Variants in DMD observed in about 807,000 individuals in gnomAD.
The protein encoded by DMD is dystrophin.
Under a neutral mutation model 330.1 loss-of-function variants are expected in DMD, and 63 were observed. That is an observed-to-expected ratio of 0.19 (90% CI 0.16 to 0.24). The LOEUF (loss-of-function observed/expected upper bound fraction) is 0.24. Among genes scored for constraint, DMD ranks in the 10% least tolerant of loss-of-function variants. The probability of loss-of-function intolerance (pLI) is 1.00; values close to 1 mark genes in which losing one functional copy is unlikely to be tolerated. For missense variants in DMD, 3,344 were observed against 2,684.1 expected, an observed-to-expected ratio of 1.25 and a Z score of -5.43; for synonymous variants, 1,223 against 959.8, an observed-to-expected ratio of 1.27 and a Z score of -5.07.
intron 11 of DMD, among the ~76,000 whole-genome samples, chrX:32,619,270 G>A (rs746528153): frequency 9.0e-6 from 1 of 111,538 alleles, no homozygotes; most frequent in East Asian, 2.8e-4. Context: ...TGATCCCACA[G>A]AAGTAGGGAA....
chrX:32,478,526 A>G lies in DMD; in HGVS notation c.2804-6217T>C, dbSNP rs1326426765. Among the ~76,000 whole-genome samples the G allele has an allele frequency of 3.6e-5, 4 of 111,910 alleles. No homozygotes were observed. The Admixed American group carries it at 3.8e-4, about 11-fold the overall frequency. ...ATACAACAGGACCCATGCATGATATATGATGATTAACATACTAGGAATGGT... is the reference window on the plus strand; with the variant it reads ...ATACAACAGGACCCATGCATGATATGTGATGATTAACATACTAGGAATGGT... On this transcript the variant is annotated intron_variant, in intron 21 of 78. Transcript: ENST00000357033.
chrX:31,341,891 G>GCGCGCGCGCGCACGCACACACACACACA (rs374298104), intron 61 of DMD, among the ~76,000 whole-genome samples: 1 of 98,876 alleles, frequency 1.0e-5, no homozygotes, highest in Non-Finnish European at 2.0e-5. Flanking sequence ...GTGCGCGCGC[G>GCGCGCGCGCGCACGCACACACACACACA]CACACACACA....
intron 74 of DMD, among the ~76,000 whole-genome samples, chrX:31,168,963 T>C (rs1202449495): frequency 9.0e-6 from 1 of 111,713 alleles, no homozygotes; most frequent in Non-Finnish European, 1.9e-5. Flanking sequence ...CCTGCTATGA[T>C]GGTGAGCATA....
intron 44 of DMD, among the ~76,000 whole-genome samples, chrX:32,150,125 G>C (rs2096797058): frequency 8.9e-6 from 1 of 112,354 alleles, no homozygotes; most frequent in South Asian, 3.7e-4. Context: ...GGGAGTAAAA[G>C]CACAGCAGGG....
intron 34 of DMD, among the ~76,000 whole-genome samples, chrX:32,366,493 G>A (rs966893506): frequency 2.0e-4 from 22 of 112,309 alleles, no homozygotes; most frequent in African/African-American, 6.8e-4. Flanking sequence ...AGCAATAACA[G>A]GAAAGTGGAG....
At chrX:32,106,151 G>T (rs1217260984) in intron 44 of DMD, among the ~76,000 whole-genome samples, 1 of 111,499 alleles carries the variant, frequency 9.0e-6, no homozygotes, top group Non-Finnish European at 1.9e-5. Context: ...GGTCTACCTG[G>T]AAAATAATAA....
At chrX:32,131,380 C>A in intron 44 of DMD, among the ~76,000 whole-genome samples, 1 of 111,428 alleles carries the variant, frequency 9.0e-6, no homozygotes, top group African/African-American at 3.3e-5. Context: ...GAAACAGGTA[C>A]GAGTTTTCTT....
At chrX:32,809,830 T>C (rs1420986635) in intron 6 of DMD, among the ~76,000 whole-genome samples, 2 of 99,360 alleles carry the variant, frequency 2.0e-5, no homozygotes, top group African/African-American at 7.6e-5. Flanking sequence ...GCCTGTAATC[T>C]CAACAATTTG....
intron 11 of DMD, among the ~76,000 whole-genome samples, chrX:32,632,351 G>A (rs1181923033): frequency 1.8e-5 from 2 of 111,773 alleles, no homozygotes; most frequent in Admixed American, 9.4e-5. Flanking sequence ...TGCTGAGTGT[G>A]TGTTTCATTT....
At chrX:32,272,060 G>T (rs1348871648) in intron 43 of DMD, among the ~76,000 whole-genome samples, 4 of 111,662 alleles carry the variant, frequency 3.6e-5, no homozygotes, top group Non-Finnish European at 5.7e-5. Flanking sequence ...CCACTTAGGG[G>T]TGACAAAAGG....
chrX:33,273,930 T>C (rs186884770), intron 1 of DMD, among the ~76,000 whole-genome samples: 1 of 112,211 alleles, frequency 8.9e-6, no homozygotes, highest in Admixed American at 9.5e-5. Context: ...TGTCCATCAA[T>C]AGCAAAAATT....
chrX:33,148,938 G>T (rs183191541), intron 1 of DMD, among the ~76,000 whole-genome samples: 1 of 110,530 alleles, frequency 9.0e-6, no homozygotes, highest in East Asian at 2.9e-4. Context: ...ATTTGGGTGG[G>T]TTCTGTGGCT....
At chrX:32,484,507 A>C (rs755639427) in intron 21 of DMD, among the ~76,000 whole-genome samples, 8 of 112,332 alleles carry the variant, frequency 7.1e-5, no homozygotes, top group Non-Finnish European at 1.1e-4. Context: ...ATGTATGCTA[A>C]AGCTATAATA....
intron 12 of DMD, among the ~76,000 whole-genome samples, chrX:32,606,399 AAAC>A (rs1448407250): frequency 9.1e-6 from 1 of 109,784 alleles, no homozygotes; most frequent in Non-Finnish European, 1.9e-5. Context: ...TAAAAAAGTC[AAAC>A]AACAACAGGT....
intron 2 of DMD, among the ~76,000 whole-genome samples, chrX:32,896,752 A>T: frequency 8.9e-6 from 1 of 112,770 alleles, no homozygotes. Flanking sequence ...ATGAACACTT[A>T]GTTTTCACTG....
At chrX:31,697,677 CACA>C (rs909820346) in intron 52 of DMD, among the ~76,000 whole-genome samples, 11 of 112,193 alleles carry the variant, frequency 9.8e-5, no homozygotes, top group African/African-American at 3.6e-4. Flanking sequence ...TATAAATTCC[CACA>C]ACATCTCTCT....
chrX:31,559,796 C>A (rs1271267941), intron 55 of DMD, among the ~76,000 whole-genome samples: 1 of 110,008 alleles, frequency 9.1e-6, no homozygotes, highest in African/African-American at 3.3e-5. Flanking sequence ...TTCCCTAATT[C>A]CCAACTCACC....
In DMD at chrX:32,573,817, A is replaced by G. The variant is rs972673934; in HGVS notation, c.1632T>C (p.Cys544=). The change falls in exon 14 of 79, where the codon TGT becomes TGC. Residue 544 remains cysteine (C), a synonymous_variant. Coordinates refer to ENST00000357033, the MANE Select transcript of DMD (RefSeq NM_004006.3). ...GAACCCAGCGGTCTTCTGTCCATCT[A>G]CAGATGTTTGCCCATCGATCTCCCA... ...KVLGDRWANI[C]RWTEDRWVLL... The G allele has an allele frequency of 3.3e-6, 4 of 1,209,629 alleles. No individual in the cohort carries two copies. Among genetic ancestry groups the G allele is most frequent in the Non-Finnish European group, 4.5e-6 (4 of 894,927 alleles).
intron 30 of DMD, among the ~76,000 whole-genome samples, chrX:32,406,341 G>T (rs1426568607): frequency 9.0e-6 from 1 of 111,354 alleles, no homozygotes; most frequent in Non-Finnish European, 1.9e-5. Context: ...AGTTTTCAAA[G>T]GGAATGCTTC....
Sources: allele counts gnomAD v4.1 joint callset (sites outside exome capture counted in the v4.1 genomes callset), GRCh38; gene constraint gnomAD v4.1.1; transcripts MANE v1.5; gene names NCBI Gene and HGNC (gene_info 2026-07-23, HGNC 2026-07-21).